ICA1: variants seen among roughly 807,000 people sequenced by gnomAD.
ICA1 encodes the protein 69 kDa islet cell autoantigen.
ICA1 carries 40 observed loss-of-function variants against 71.0 expected under a neutral mutation model. The observed-to-expected ratio is 0.56, with a 90% CI of 0.44 to 0.73. The LOEUF is 0.73. Among genes scored for constraint, ICA1 ranks in the 30% least tolerant of loss-of-function variants. The probability of loss-of-function intolerance (pLI) is 0.00; values close to 1 mark genes in which losing one functional copy is unlikely to be tolerated. For missense variants in ICA1, 578 were observed against 576.5 expected (o/e 1.00, Z -0.03); for synonymous variants, 207 against 209.5 (o/e 0.99, Z 0.10).
At chr7:8,152,242 T>C (rs1297118354) in intron 8 of ICA1, among the ~76,000 whole-genome samples, 1 of 152,030 alleles carries the variant, frequency 6.6e-6, no homozygotes, top group African/African-American at 2.4e-5. Context: ...CTGCAATTCA[T>C]AGCCTCACCT....
intron 2 of ICA1, among the ~76,000 whole-genome samples, chr7:8,233,830 A>G (rs1045021390): frequency 1.3e-5 from 2 of 152,246 alleles, no homozygotes; most frequent in Non-Finnish European, 2.9e-5. Flanking sequence ...CTGATGTTAA[A>G]AACTTTAAAC....
intron 1 of ICA1, among the ~76,000 whole-genome samples, chr7:8,259,792 G>T (rs1374121148): frequency 2.0e-5 from 3 of 152,148 alleles, no homozygotes; most frequent in Non-Finnish European, 4.4e-5. Context: ...TGTTAGATAT[G>T]ATTGTGATAC....
chr7:8,144,048 G>T lies in ICA1; in HGVS notation c.805-76C>A, dbSNP rs1333502596. ...TAGAGACAAAAAAAAGAAAAGAAAG[G>T]TTATCAATTAAAAAATTCAACTGCC... On this transcript the variant is annotated intron_variant, in intron 8 of 13. Coordinates refer to ENST00000402384, the MANE Select transcript of ICA1 (RefSeq NM_001136020.3). This position sits in a 1 kb window ranked among gnomAD's most constrained non-coding sequence, Gnocchi z 4.5. 20 of 865,828 alleles carry T rather than the reference G, an allele frequency of 2.3e-5. No homozygotes were observed. Among genetic ancestry groups the T allele is most frequent in the Non-Finnish European group, 3.4e-5 (19 of 559,212 alleles). 53.6% of individuals were successfully genotyped at this position (865,828 alleles called of 1,614,324 possible).
chr7:8,209,189 C>A (rs1792733689), intron 6 of ICA1, among the ~76,000 whole-genome samples: 1 of 152,194 alleles, frequency 6.6e-6, no homozygotes, highest in Non-Finnish European at 1.5e-5. Context: ...GTTAAGCAAG[C>A]TTTTCCCTTA....
intron 6 of ICA1, among the ~76,000 whole-genome samples, chr7:8,169,833 T>G (rs1174229246): frequency 6.6e-6 from 1 of 151,898 alleles, no homozygotes; most frequent in African/African-American, 2.4e-5. Context: ...TAAAAACGTT[T>G]TAAATTTTGA....
At chr7:8,201,183 G>A (rs530103495) in intron 6 of ICA1, among the ~76,000 whole-genome samples, 1 of 152,304 alleles carries the variant, frequency 6.6e-6, no homozygotes, top group East Asian at 1.9e-4. Flanking sequence ...TGTGCCTCTG[G>A]ATTGTTGCAG....
chr7:8,213,618 A>C (rs1485610947), intron 6 of ICA1, among the ~76,000 whole-genome samples: 5 of 152,234 alleles, frequency 3.3e-5, no homozygotes, highest in Admixed American at 6.5e-5. Flanking sequence ...GACCTCTGAC[A>C]AAAACCAATG....
At chr7:8,260,934 GAA>G (rs1812094119) in intron 1 of ICA1, among the ~76,000 whole-genome samples, 1 of 152,124 alleles carries the variant, frequency 6.6e-6, no homozygotes, top group Non-Finnish European at 1.5e-5. Context: ...GAGATTTTCC[GAA>G]GAGACTTCAC....
chr7:8,214,952 C>G (rs937822994), intron 6 of ICA1, among the ~76,000 whole-genome samples: 1 of 152,214 alleles, frequency 6.6e-6, no homozygotes, highest in Non-Finnish European at 1.5e-5. Context: ...ACCACGGAAT[C>G]TGGTAGAGGT....
intron 5 of ICA1, among the ~76,000 whole-genome samples, chr7:8,219,151 A>G (rs1796274188): frequency 6.6e-6 from 1 of 152,226 alleles, no homozygotes; most frequent in Admixed American, 6.5e-5. Context: ...TAAAATTATT[A>G]TAATGTTGGC....
intron 6 of ICA1, among the ~76,000 whole-genome samples, chr7:8,199,299 G>A (rs1256541580): frequency 6.6e-6 from 1 of 152,200 alleles, no homozygotes; most frequent in Admixed American, 6.5e-5. Flanking sequence ...AGCAAATACA[G>A]GCTCTTGGCT....
At chr7:8,137,013 C>T (rs750048622) in intron 12 of ICA1, among the ~76,000 whole-genome samples, 6 of 150,858 alleles carry the variant, frequency 4.0e-5, no homozygotes, top group Non-Finnish European at 5.9e-5. Context: ...GTACCTTTAC[C>T]GCCAAGTTAA....
intron 12 of ICA1, 25 bp downstream of exon 12, chr7:8,138,815 T>A (rs1794232733): frequency 6.5e-7 from 1 of 1,531,290 alleles, no homozygotes; most frequent in African/African-American, 1.4e-5. Flanking sequence ...CAAATCATAA[T>A]CCCAAAGAAA....
intron 1 of ICA1, among the ~76,000 whole-genome samples, chr7:8,250,249 T>C (rs1210549972): frequency 5.3e-5 from 8 of 152,216 alleles, no homozygotes; most frequent in South Asian, 2.1e-4. Context: ...TGGAGAGAAG[T>C]GTATTTGAGT....
chr7:8,134,252 T>A (rs1359874794), intron 12 of ICA1, among the ~76,000 whole-genome samples: 2 of 152,166 alleles, frequency 1.3e-5, no homozygotes, highest in Non-Finnish European at 2.9e-5. Flanking sequence ...GAACATTCCC[T>A]AGGAGAACTG....
intron 1 of ICA1, among the ~76,000 whole-genome samples, chr7:8,253,958 G>C (rs1809123678): frequency 6.6e-6 from 1 of 152,148 alleles, no homozygotes; most frequent in Admixed American, 6.5e-5. Context: ...AATAATCAGG[G>C]AGATGCTAAT....
chr7:8,192,615 C>T (rs531744347), intron 6 of ICA1, among the ~76,000 whole-genome samples: 1 of 152,214 alleles, frequency 6.6e-6, no homozygotes, highest in East Asian at 1.9e-4. Flanking sequence ...AACTTCCATC[C>T]ATTAGTTTTC....
rs1045285842 is a variant in ICA1, at chr7:8,173,947, T to C, written c.580-15295A>G. On this transcript the variant is annotated intron_variant, in intron 6 of 13. Transcript: ENST00000402384. The surrounding 1 kb of genome is among the most constrained non-coding windows in gnomAD (Gnocchi z 4.0). ...ATAACAAAAGTAAACATATTGTCTG[T>C]TGGTGAAAATAAAGCATTGTAAGAA... Among the ~76,000 whole-genome samples, 1 of 152,148 alleles carries C rather than the reference T, an allele frequency of 6.6e-6. No individual in the cohort carries two copies. Among genetic ancestry groups the C allele is most frequent in the Admixed American group, 6.5e-5 (1 of 15,278 alleles).
chr7:8,218,142 T>A (rs137994077), intron 6 of ICA1, among the ~76,000 whole-genome samples, 163 bp downstream of exon 6: 7 of 152,350 alleles, frequency 4.6e-5, no homozygotes, highest in Non-Finnish European at 8.8e-5. Context: ...TAGAGAATTA[T>A]GTATCACATT....
Sources: gnomAD v4.1 joint callset for allele counts (sites outside exome capture counted in the v4.1 genomes callset) on GRCh38, gnomAD v4.1.1 for gene constraint, Gnocchi (gnomAD v3.1) non-coding constraint, MANE v1.5 for transcripts, NCBI Gene and HGNC (gene_info 2026-07-23, HGNC 2026-07-21) for gene names.